Variants in ADAM23 observed in about 807,000 individuals in gnomAD.
ADAM23 encodes disintegrin and metalloproteinase domain-containing protein 23.
Under a neutral mutation model 120.1 loss-of-function variants are expected in ADAM23, and 33 were observed. That is an observed-to-expected ratio of 0.27 (90% CI 0.21 to 0.37). The LOEUF is 0.37. ADAM23 is among the 10% of genes least tolerant of loss of function. ADAM23 has a pLI of 1.00. For missense variants in ADAM23, 862 were observed against 1,058.2 expected (o/e 0.81, Z 2.57); for synonymous variants, 367 against 375.2 (o/e 0.98, Z 0.25).
Position 206,617,786 on chromosome 2 carries a change from CTG to C in ADAM23, c.*161_*162del. On this transcript the variant is annotated 3_prime_UTR_variant, in exon 26 of 26. Coordinates refer to ENST00000264377, the MANE Select transcript of ADAM23 (RefSeq NM_003812.4). ...GTGACAAGGATGGGGTAAAAGAAAA[CTG>C]TCTCTTTTGGAAATAATGTCAAAGA... 7.1e-7 allele frequency: 1 copy of C among 1,415,076 alleles called. No homozygotes were observed. Among genetic ancestry groups the C allele is most frequent in the East Asian group, 2.7e-5 (1 of 37,534 alleles). 87.7% of individuals were successfully genotyped at this position (1,415,076 alleles called of 1,614,324 possible).
intron 9 of ADAM23, among the ~76,000 whole-genome samples, chr2:206,553,033 G>A (rs1004499907): frequency 6.6e-6 from 1 of 151,986 alleles, no homozygotes; most frequent in African/African-American, 2.4e-5. Context: ...TTGAAACAAG[G>A]AAAAAGAATT....
At chr2:206,524,224 A>T (rs35858448) in intron 3 of ADAM23, among the ~76,000 whole-genome samples, 2,735 of 152,348 alleles carry the variant, frequency 0.018, 30 homozygotes, top group Middle Eastern at 0.051. Context: ...ATTTGAACAC[A>T]TATGGAAGTA....
intron 20 of ADAM23, among the ~76,000 whole-genome samples, chr2:206,588,621 A>T (rs1559278793): frequency 6.6e-6 from 1 of 152,230 alleles, no homozygotes; most frequent in Non-Finnish European, 1.5e-5. Flanking sequence ...ACTTCCTGAG[A>T]TGCAGATAGG....
intron 2 of ADAM23, among the ~76,000 whole-genome samples, chr2:206,475,070 CATT>C: frequency 6.6e-6 from 1 of 152,282 alleles, no homozygotes; most frequent in Non-Finnish European, 1.5e-5. Flanking sequence ...TGGACAATAA[CATT>C]AGTTAATCTC....
intron 9 of ADAM23, among the ~76,000 whole-genome samples, chr2:206,553,503 A>G (rs1417505392): frequency 6.6e-6 from 1 of 152,230 alleles, no homozygotes; most frequent in African/African-American, 2.4e-5. Context: ...TAAGATTTCT[A>G]CTATTTAAAG....
intron 2 of ADAM23, among the ~76,000 whole-genome samples, chr2:206,449,158 C>A (rs759750445): frequency 8.5e-5 from 13 of 152,112 alleles, no homozygotes; most frequent in African/African-American, 3.1e-4. Flanking sequence ...CCCTCCCATA[C>A]GTCAGATGTC....
intron 10 of ADAM23, among the ~76,000 whole-genome samples, chr2:206,558,501 A>G (rs1458527981): frequency 6.6e-6 from 1 of 152,180 alleles, no homozygotes; most frequent in Non-Finnish European, 1.5e-5. Context: ...CAGCTGCACA[A>G]AACTATAACA....
intron 18 of ADAM23, among the ~76,000 whole-genome samples, chr2:206,575,831 GTTC>G (rs779517932): frequency 1.2e-4 from 19 of 152,146 alleles, no homozygotes; most frequent in Non-Finnish European, 2.9e-5. Context: ...GGAATGCCTA[GTTC>G]TTCTTCCCAA....
Position 206,444,035 on chromosome 2 carries a change from G to C in ADAM23, c.169G>C (p.Ala57Pro). The C allele has an allele frequency of 7.1e-7, 1 of 1,407,696 alleles. No individual in the cohort carries two copies. Among genetic ancestry groups the C allele is most frequent in the Non-Finnish European group, 9.3e-7 (1 of 1,077,248 alleles). 87.2% of individuals were successfully genotyped at this position (1,407,696 alleles called of 1,614,324 possible). ...LLVLLLLPPL[A>P]ASSRPRAWGA... ...CGTCCTTCTCCTGCTGCCTCCGCTC[G>C]CCGCCTCGTCCCGGCCCCGCGCCTG... Residue 57 changes from alanine (A) to proline (P), a missense_variant, in exon 1 of 26, where the codon GCC becomes CCC. Physicochemically the swap from Ala to Pro is conservative, Grantham distance 27 (BLOSUM62 -1). Transcript: ENST00000264377.
chr2:206,541,926 T>G, intron 4 of ADAM23, 126 bp from the exon 5 acceptor site: 1 of 916,234 alleles, frequency 1.1e-6, no homozygotes, highest in Non-Finnish European at 1.7e-6. Flanking sequence ...ATAGGAGGAG[T>G]TTCTAGGGTT....
intron 3 of ADAM23, among the ~76,000 whole-genome samples, chr2:206,520,053 C>T (rs6732343): frequency 0.053 from 8,083 of 152,144 alleles, 697 homozygotes; most frequent in African/African-American, 0.18. Flanking sequence ...ATTATCATCT[C>T]TAAAGATTCC....
At chr2:206,540,511 CAGTT>C (rs1028490023) in intron 4 of ADAM23, among the ~76,000 whole-genome samples, 8 of 151,986 alleles carry the variant, frequency 5.3e-5, no homozygotes, top group Non-Finnish European at 7.4e-5. Context: ...ACCTAAATAA[CAGTT>C]AGGGGATAAA....
At position 206,543,274 on chromosome 2, in the gene ADAM23, C is replaced by T; in HGVS notation, c.678C>T (p.Thr226=). 6.2e-7 allele frequency: 1 copy of T among 1,613,804 alleles called. No homozygotes were observed. Among genetic ancestry groups the T allele is most frequent in the Non-Finnish European group, 8.5e-7 (1 of 1,179,862 alleles). ...CTAGTGGCATGTTTGAAGATGATAC[C>T]TTCGTGTATATGATAGAGCCACTAG... is the stretch of plus-strand genomic sequence containing the variant. ...NGLHGMFEDD[T]FVYMIEPLEL... is the part of the protein sequence containing the mutation. Residue 226 remains threonine (T), a synonymous_variant, in exon 6 of 26, where the codon ACC becomes ACT. Coordinates refer to ENST00000264377, the MANE Select transcript of ADAM23 (RefSeq NM_003812.4).
At chr2:206,509,993 C>G (rs1696589075) in intron 3 of ADAM23, among the ~76,000 whole-genome samples, 1 of 152,202 alleles carries the variant, frequency 6.6e-6, no homozygotes. Context: ...TCTTTATCAA[C>G]ATAGTTTTGT....
chr2:206,543,380 G>T, intron 6 of ADAM23, 64 bp downstream of exon 6: 2 of 1,296,104 alleles, frequency 1.5e-6, no homozygotes, highest in Admixed American at 1.8e-5. Flanking sequence ...TCTTTGAGAA[G>T]AAAAGAGAAA....
At chr2:206,598,246 G>A (rs1176462362) in intron 24 of ADAM23, among the ~76,000 whole-genome samples, 1 of 151,980 alleles carries the variant, frequency 6.6e-6, no homozygotes, top group Non-Finnish European at 1.5e-5. Context: ...ATTTCCTCAA[G>A]TGATGTATAA....
At chr2:206,544,511 G>A (rs1016531174) in intron 6 of ADAM23, among the ~76,000 whole-genome samples, 3 of 152,126 alleles carry the variant, frequency 2.0e-5, no homozygotes, top group African/African-American at 7.2e-5. Context: ...AGTCTACAGA[G>A]GCAGATAGAG....
At position 206,443,734 on chromosome 2, in the gene ADAM23, C is replaced by G. The variant is rs937760352; in HGVS notation, c.-133C>G. 17 of 295,630 alleles carry G rather than the reference C, an allele frequency of 5.8e-5. No individual in the cohort carries two copies. Among genetic ancestry groups the G allele is most frequent in the African/African-American group, 2.1e-4 (9 of 43,142 alleles). 18.3% of individuals were successfully genotyped at this position (295,630 alleles called of 1,614,324 possible). A position where few individuals can be genotyped will look rare whatever the true frequency, so the allele number is the denominator to read the frequency against. On this transcript the variant is annotated 5_prime_UTR_variant, in exon 1 of 26. Coordinates refer to ENST00000264377, the MANE Select transcript of ADAM23 (RefSeq NM_003812.4). ...GCCCCGAGCCCCGCGCCCCGTGCCC[C>G]GAGCCCGGAGCCCCCTGCCCGCCGC...
chr2:206,446,318 C>A (rs1236552131), intron 2 of ADAM23, among the ~76,000 whole-genome samples: 5 of 152,088 alleles, frequency 3.3e-5, no homozygotes, highest in Non-Finnish European at 7.4e-5. Context: ...TTTTGAACCC[C>A]GAGCAGATTT....
Sources: allele counts gnomAD v4.1 joint callset (sites outside exome capture counted in the v4.1 genomes callset), GRCh38; gene constraint gnomAD v4.1.1; transcripts MANE v1.5; gene names NCBI Gene and HGNC (gene_info 2026-07-23, HGNC 2026-07-21).